Variants in SCOC observed in about 807,000 individuals in gnomAD.
SCOC encodes short coiled-coil protein.
In SCOC, 7 loss-of-function variants were observed where a neutral mutation model predicts 9.9. The observed-to-expected ratio is 0.71, with a 90% CI of 0.40 to 1.33. The LOEUF is 1.33. Among genes scored for constraint, SCOC ranks in the 40% most tolerant of loss-of-function variants. SCOC has a pLI of 0.01. For missense variants in SCOC, 66 were observed against 89.7 expected, an observed-to-expected ratio of 0.74 and a Z score of 1.07; for synonymous variants, 19 against 28.2, an observed-to-expected ratio of 0.67 and a Z score of 1.03.
chr4:140,373,297 A>G (rs1028973136), upstream of SCOC: 4 of 1,375,950 alleles, frequency 2.9e-6, no homozygotes, highest in East Asian at 2.9e-5. Flanking sequence ...CGCTCATACC[A>G]GCCTCTTTCC....
rs1730845519 is a variant in SCOC, at chr4:140,271,531, G to A, written c.-19+14121G>A. The stretch of plus-strand genomic sequence containing the variant: ...AAGAAAGTATCTCCATCTAAAAGTA[G>A]TGCCATAATCTAGGTGCCTGAGCTG... On this transcript the variant is annotated intron_variant, in intron 1 of 4. Coordinates refer to the SCOC transcript ENST00000394205. Among the ~76,000 whole-genome samples the A allele has an allele frequency of 2.0e-5, 3 of 152,200 alleles. No individual in the cohort carries two copies. The South Asian group carries it at 6.2e-4, about 32-fold the overall frequency.
chr4:140,272,764 T>C (rs1730878213), intron 1 of SCOC, among the ~76,000 whole-genome samples: 2 of 151,986 alleles, frequency 1.3e-5, no homozygotes, highest in South Asian at 2.1e-4. Flanking sequence ...AGTGGAAAGA[T>C]ATTAAGTGCA....
At chr4:140,269,685 T>A (rs1272080872) in intron 1 of SCOC, among the ~76,000 whole-genome samples, 1 of 152,198 alleles carries the variant, frequency 6.6e-6, no homozygotes, top group Non-Finnish European at 1.5e-5. Flanking sequence ...GGGTGATTTG[T>A]TATGCAGCAA....
intron 1 of SCOC, among the ~76,000 whole-genome samples, chr4:140,301,590 C>T (rs1358176161): frequency 1.3e-5 from 2 of 152,150 alleles, no homozygotes; most frequent in Non-Finnish European, 2.9e-5. Context: ...TCTGGACCTG[C>T]TGGAGTGAGG....
chr4:140,339,438 A>G (rs542498958), upstream of SCOC, among the ~76,000 whole-genome samples: 60 of 152,346 alleles, frequency 3.9e-4, no homozygotes, highest in African/African-American at 1.4e-3. Context: ...ACTAAAGCCA[A>G]AATTGACAAA....
At chr4:140,373,244 C>T (rs971311237), upstream of SCOC, 1 of 1,218,618 alleles carries the variant, frequency 8.2e-7, no homozygotes, top group African/African-American at 1.6e-5. Flanking sequence ...TGAATGACTT[C>T]TCTGTCGCTC....
chr4:140,327,911 C>T (rs2126490633), intron 1 of SCOC, among the ~76,000 whole-genome samples: 1 of 152,106 alleles, frequency 6.6e-6, no homozygotes, highest in African/African-American at 2.4e-5. Flanking sequence ...AGCATTGCTG[C>T]TTGTTGGGCA....
At chr4:140,334,632 A>G (rs1732908627) in intron 1 of SCOC, among the ~76,000 whole-genome samples, 1 of 152,186 alleles carries the variant, frequency 6.6e-6, no homozygotes, top group African/African-American at 2.4e-5. Flanking sequence ...ACAAATTTGT[A>G]AGGGTACAGT....
intron 1 of SCOC, among the ~76,000 whole-genome samples, chr4:140,283,523 T>C (rs2126419111): frequency 6.6e-6 from 1 of 152,338 alleles, no homozygotes; most frequent in East Asian, 1.9e-4. Context: ...TTGAATGTCA[T>C]CATGCTATGA....
intron 1 of SCOC, chr4:140,293,253 CCA>C: frequency 2.2e-6 from 1 of 455,488 alleles, no homozygotes; most frequent in Non-Finnish European, 4.4e-6. Context: ...TAACCATACC[CCA>C]CATACCACTC....
At chr4:140,317,296 A>T (rs1732350184) in intron 1 of SCOC, among the ~76,000 whole-genome samples, 1 of 152,226 alleles carries the variant, frequency 6.6e-6, no homozygotes, top group South Asian at 2.1e-4. Flanking sequence ...TAAAAGGCAG[A>T]AATGGAATCT....
chr4:140,362,191 A>G (rs1159220981), intron 2 of SCOC, among the ~76,000 whole-genome samples: 1 of 151,336 alleles, frequency 6.6e-6, no homozygotes, highest in Non-Finnish European at 1.5e-5. Flanking sequence ...CACTGCGATG[A>G]GTGTTACTAA....
chr4:140,301,907 T>C (rs1178048782), intron 1 of SCOC, among the ~76,000 whole-genome samples: 3 of 152,206 alleles, frequency 2.0e-5, no homozygotes, highest in Non-Finnish European at 4.4e-5. Context: ...TCTTGGCTCA[T>C]TGCAGCCTTG....
rs115092236 is a variant in SCOC, at chr4:140,346,978, T to C, written c.70+3270T>C. On this transcript the variant is annotated intron_variant, in intron 2 of 4. Transcript: ENST00000338517. The stretch of plus-strand genomic sequence containing the variant: ...CATCATCTCTTTCAATCCTGGGTTT[T>C]CTGCAATTGCTGTGATAAAAAGCAA... Among the ~76,000 whole-genome samples, 455 of 152,334 alleles carry C rather than the reference T, an allele frequency of 3.0e-3. 3 individuals are homozygous for C. Among genetic ancestry groups the C allele is most frequent in the African/African-American group, 0.01 (431 of 41,558 alleles).
chr4:140,293,515 T>C (rs968089891), intron 1 of SCOC: 1 of 399,368 alleles, frequency 2.5e-6, no homozygotes, highest in Admixed American at 2.9e-5. Flanking sequence ...GAAAGAAGGA[T>C]TGGATAGGAA....
At chr4:140,366,453 A>C (rs1727801458) in intron 2 of SCOC, 4 of 1,523,654 alleles carry the variant, frequency 2.6e-6, no homozygotes, top group Non-Finnish European at 3.6e-6. Context: ...TTTTTGGGAG[A>C]AGCTTTTGGA....
At position 140,379,653 on chromosome 4, in the gene SCOC, G is replaced by T; in HGVS notation, c.106+1G>T. On this transcript the variant is annotated splice_donor_variant, in intron 3 of 3. Transcript: ENST00000608372. LOFTEE classifies it high-confidence loss of function. ...TTGGAACTCCAACACACACTTGAAG[G>T]TTGGCTTGCATTTTGTAGTTTATTT... The T allele has an allele frequency of 6.2e-7, 1 of 1,601,410 alleles. No individual in the cohort carries two copies. The highest frequency in any genetic ancestry group is 2.2e-5 in the East Asian group (1 of 44,704).
intron 2 of SCOC, chr4:140,366,835 A>G: frequency 1.1e-6 from 1 of 872,142 alleles, no homozygotes; most frequent in South Asian, 1.3e-5. Flanking sequence ...CACACGGCCA[A>G]CCTCCACGAA....
intron 1 of SCOC, among the ~76,000 whole-genome samples, chr4:140,278,577 G>A (rs934982155): frequency 6.6e-5 from 10 of 152,262 alleles, no homozygotes; most frequent in African/African-American, 2.4e-4. Flanking sequence ...GGGATTACAG[G>A]TGAAGCCTTT....
Sources: allele counts gnomAD v4.1 joint callset (sites outside exome capture counted in the v4.1 genomes callset), GRCh38; gene constraint gnomAD v4.1.1; transcripts MANE v1.5; gene names NCBI Gene and HGNC (gene_info 2026-07-23, HGNC 2026-07-21).